Variants in ALMS1 observed in about 807,000 individuals in gnomAD.
The protein encoded by ALMS1 is ALMS1 centrosome and basal body associated protein, also known as centrosome-associated protein ALMS1.
In ALMS1, 271 loss-of-function variants were observed where a neutral mutation model predicts 352.2. The observed-to-expected ratio is 0.77, with a 90% CI of 0.70 to 0.85. The LOEUF (loss-of-function observed/expected upper bound fraction) is 0.85. Ranked by LOEUF, ALMS1 falls within the 40% of genes least tolerant of loss-of-function variation. The pLI is 0.00. For missense variants in ALMS1, 5,445 were observed against 4,870.7 expected (o/e 1.12, Z -3.51); for synonymous variants, 1,865 against 1,761.2 (o/e 1.06, Z -1.48).
rs1671310097 is a variant in ALMS1, at chr2:73,422,855, A to G, written c.647-2A>G. On this transcript the variant is annotated splice_acceptor_variant, in intron 3 of 22. Coordinates refer to ENST00000613296, the MANE Select transcript of ALMS1 (RefSeq NM_001378454.1). LOFTEE classifies it high-confidence loss of function. ...CAGCATTTAATATTTGAAACTTTACAGTCATACAAGATAGCTTTGCTTCTC... is the reference window on the plus strand; with the variant it reads ...CAGCATTTAATATTTGAAACTTTACGGTCATACAAGATAGCTTTGCTTCTC... 6.2e-7 allele frequency: 1 copy of G among 1,606,676 alleles called. No individual in the cohort carries two copies. The highest frequency in any genetic ancestry group is 8.5e-7 in the Non-Finnish European group (1 of 1,173,384).
chr2:73,512,107 C>A (rs1265369751), intron 10 of ALMS1, among the ~76,000 whole-genome samples: 1 of 151,990 alleles, frequency 6.6e-6, no homozygotes, highest in Non-Finnish European at 1.5e-5. Context: ...ACTCTGTCAC[C>A]CAGGCTGGAG....
At position 73,579,063 on chromosome 2, in the gene ALMS1, C is replaced by CTTTTTTTTTTTTTTTTTTTTTTT. The variant is rs372240184; in HGVS notation, c.11547+5646_11547+5647insTTTTTTTTTTTTTTTTTTTTTTT. Among the ~76,000 whole-genome samples, 57 of 119,132 alleles carry CTTTTTTTTTTTTTTTTTTTTTTT rather than the reference C, an allele frequency of 4.8e-4. 13 individuals carry two copies. Among genetic ancestry groups the CTTTTTTTTTTTTTTTTTTTTTTT allele is most frequent in the African/African-American group, 1.6e-3 (38 of 23,202 alleles). The allele number at this position is 119,132 out of a possible 152,430, so 78.2% of individuals were successfully genotyped here. Reference sequence around the variant, plus strand: ...GAATGTCTTTAATTTCTCCTTTATTCTTTTTTTATTTATTTTTTTTTTTGA... The same window carrying CTTTTTTTTTTTTTTTTTTTTTTT: ...GAATGTCTTTAATTTCTCCTTTATTCTTTTTTTTTTTTTTTTTTTTTTTTTTTTTTATTTATTTTTTTTTTTGA... On this transcript the variant is annotated intron_variant, in intron 16 of 22. Coordinates refer to ENST00000613296, the MANE Select transcript of ALMS1 (RefSeq NM_001378454.1).
intron 16 of ALMS1, among the ~76,000 whole-genome samples, chr2:73,597,950 CT>C (rs1265412802): frequency 6.6e-6 from 1 of 152,206 alleles, no homozygotes; most frequent in Non-Finnish European, 1.5e-5. Context: ...GTAAATTCTC[CT>C]GCTTTCCATA....
intron 13 of ALMS1, among the ~76,000 whole-genome samples, chr2:73,552,622 C>T (rs929429762): frequency 6.6e-6 from 1 of 152,226 alleles, no homozygotes; most frequent in Admixed American, 6.5e-5. Context: ...AATCTCCCAT[C>T]TGTTGGTCTA....
At chr2:73,547,657 TATC>T (rs1257691770) in intron 12 of ALMS1, among the ~76,000 whole-genome samples, 3 of 152,210 alleles carry the variant, frequency 2.0e-5, no homozygotes, top group Non-Finnish European at 4.4e-5. Context: ...TGCAGGATCT[TATC>T]AACTGTATTA....
intron 12 of ALMS1, 74 bp from the exon 13 acceptor site, chr2:73,550,193 G>A: frequency 6.4e-7 from 1 of 1,555,816 alleles, no homozygotes; most frequent in Non-Finnish European, 8.8e-7. Context: ...GGTCTAAGAG[G>A]CAAATTTTTA....
Position 73,453,139 on chromosome 2 carries a change from G to A in ALMS1, c.6612G>A (p.Arg2204=), listed in dbSNP as rs758379924. 6.2e-7 allele frequency: 1 copy of A among 1,613,850 alleles called. No homozygotes were observed. Among genetic ancestry groups the A allele is most frequent in the East Asian group, 2.2e-5 (1 of 44,870 alleles). The change falls in exon 8 of 23, where the codon AGG becomes AGA. Residue 2204 remains arginine, a synonymous_variant. Coordinates refer to ENST00000613296, the MANE Select transcript of ALMS1 (RefSeq NM_001378454.1). The part of the protein sequence containing the change: ...NHKLVSEHVQ[R]LIDNLNSSDS... ...AGCTTGTTTCAGAACATGTCCAAAG[G>A]CTAATAGATAATTTGAATTCTTCTG...
In ALMS1 at chr2:73,419,165, T is replaced by G; in HGVS notation, c.493T>G (p.Ser165Ala). 1 of 1,614,066 alleles carries G rather than the reference T, an allele frequency of 6.2e-7. No individual in the cohort carries two copies. Among genetic ancestry groups the G allele is most frequent in the Non-Finnish European group, 8.5e-7 (1 of 1,179,956 alleles). The change falls in exon 3 of 23, where the codon TCC becomes GCC. Residue 165 changes from serine (S) to alanine (A), a missense_variant. Coordinates refer to ENST00000613296, the MANE Select transcript of ALMS1 (RefSeq NM_001378454.1). Reference sequence around the variant, plus strand: ...TTGTCTTCCTCAAGAAATGGACTCTTCCCAAACCTTGGATACATCCCAGAC... The same window carrying G: ...TTGTCTTCCTCAAGAAATGGACTCTGCCCAAACCTTGGATACATCCCAGAC... ...WHCLPQEMDS[S>A]QTLDTSQTRF...
intron 9 of ALMS1, among the ~76,000 whole-genome samples, chr2:73,478,028 ACTTGT>A (rs1440779514): frequency 1.3e-5 from 2 of 152,152 alleles, no homozygotes; most frequent in African/African-American, 4.8e-5. Flanking sequence ...GAATGGCCAT[ACTTGT>A]CTTGTTCTTG....
Position 73,490,478 on chromosome 2 carries a change from A to G in ALMS1, c.8519A>G (p.Asp2840Gly), listed in dbSNP as rs749627925. 3.7e-6 allele frequency: 6 copies of G among 1,614,192 alleles called. 1 individual carries two copies. The highest frequency in any genetic ancestry group is 3.3e-5 in the South Asian group (3 of 91,080). The change falls in exon 10 of 23, where the codon GAT becomes GGT. Residue 2840 changes from aspartate to glycine, a missense_variant. By Grantham distance (94) the Asp-to-Gly change is moderately conservative (BLOSUM62 -1). Transcript: ENST00000613296. The part of the protein sequence containing the change: ...CSNFKEIQIS[D>G]NHTLISMGRP... ...AATTTCAAGGAAATTCAGATTTCTG[A>G]TAACCATACCCTTATTAGCATGGGC...
At chr2:73,462,511 T>C (rs1672227993) in intron 9 of ALMS1, among the ~76,000 whole-genome samples, 1 of 152,082 alleles carries the variant, frequency 6.6e-6, no homozygotes, top group African/African-American at 2.4e-5. Flanking sequence ...CATGCCAAAA[T>C]GTAAAGACTG....
intron 12 of ALMS1, among the ~76,000 whole-genome samples, chr2:73,543,553 A>G (rs1674241167): frequency 6.6e-6 from 1 of 152,232 alleles, no homozygotes; most frequent in South Asian, 2.1e-4. Context: ...GCACAGTAAA[A>G]GAAACTACCA....
intron 9 of ALMS1, among the ~76,000 whole-genome samples, chr2:73,471,493 C>CAAAAAAAAAAAAAA (rs58688820): frequency 8.8e-6 from 1 of 113,654 alleles, no homozygotes; most frequent in African/African-American, 3.8e-5. Flanking sequence ...ACTCAACAGC[C>CAAAAAAAAAAAAAA]AAAAAAAAAA....
At chr2:73,529,814 C>G (rs1043805530) in intron 11 of ALMS1, among the ~76,000 whole-genome samples, 2 of 152,154 alleles carry the variant, frequency 1.3e-5, no homozygotes, top group Non-Finnish European at 2.9e-5. Context: ...AGGAAACTTA[C>G]AATCATGGCA....
intron 10 of ALMS1, among the ~76,000 whole-genome samples, chr2:73,495,532 A>C (rs1363673185): frequency 6.6e-6 from 1 of 152,152 alleles, no homozygotes. Flanking sequence ...CACCATGCCC[A>C]GCCAAAAAAC....
intron 15 of ALMS1, among the ~76,000 whole-genome samples, chr2:73,563,404 AAGGAAATTT>A (rs1198180404): frequency 1.3e-5 from 2 of 152,172 alleles, no homozygotes; most frequent in Non-Finnish European, 2.9e-5. Context: ...CTCAATCAAT[AAGGAAATTT>A]ATGTTGCCTT....
chr2:73,522,846 T>A (rs1673713538), intron 11 of ALMS1, among the ~76,000 whole-genome samples: 1 of 152,214 alleles, frequency 6.6e-6, no homozygotes. Context: ...AATTAATGCC[T>A]CTAGGTGTTA....
chr2:73,412,992 C>CTT (rs1191158871), intron 2 of ALMS1, among the ~76,000 whole-genome samples: 2 of 141,710 alleles, frequency 1.4e-5, no homozygotes, highest in Admixed American at 7.1e-5. Flanking sequence ...TTCTTTTTTT[C>CTT]TTTTTTTTTT....
At chr2:73,563,101 A>G in intron 15 of ALMS1, among the ~76,000 whole-genome samples, 1 of 151,956 alleles carries the variant, frequency 6.6e-6, no homozygotes, top group South Asian at 2.1e-4. Flanking sequence ...TATATTAAAA[A>G]AAAAAAAACT....
Sources: gnomAD v4.1 joint callset for allele counts (sites outside exome capture counted in the v4.1 genomes callset) on GRCh38, gnomAD v4.1.1 for gene constraint, MANE v1.5 for transcripts, NCBI Gene and HGNC (gene_info 2026-07-23, HGNC 2026-07-21) for gene names.